Variants in AP3B1 observed in about 807,000 individuals in gnomAD.
The protein encoded by AP3B1 is adaptor related protein complex 3 subunit beta 1.
AP3B1 carries 61 observed loss-of-function variants against 132.5 expected under a neutral mutation model. The observed-to-expected ratio is 0.46, with a 90% CI of 0.37 to 0.57. The LOEUF (loss-of-function observed/expected upper bound fraction) is 0.57. Among genes scored for constraint, AP3B1 ranks in the 20% least tolerant of loss-of-function variants. The probability of loss-of-function intolerance (pLI) is 0.00; values close to 1 mark genes in which losing one functional copy is unlikely to be tolerated. For missense variants in AP3B1, 1,120 were observed against 1,289.4 expected (o/e 0.87, Z 2.01); for synonymous variants, 388 against 438.3 (o/e 0.89, Z 1.43).
intron 13 of AP3B1, among the ~76,000 whole-genome samples, chr5:78,161,370 G>A (rs1396752175): frequency 6.6e-6 from 1 of 151,912 alleles, no homozygotes; most frequent in Non-Finnish European, 1.5e-5. Context: ...GGTGCTTTCT[G>A]TATGTAACTA....
chr5:78,169,752 T>C (rs969182005), intron 11 of AP3B1, among the ~76,000 whole-genome samples: 5 of 151,596 alleles, frequency 3.3e-5, no homozygotes, highest in Non-Finnish European at 2.9e-5. Context: ...TTTATTTATT[T>C]ATTTATTTAT....
At chr5:78,212,970 T>C (rs368245965) in intron 7 of AP3B1, among the ~76,000 whole-genome samples, 2 of 152,076 alleles carry the variant, frequency 1.3e-5, no homozygotes, top group African/African-American at 2.4e-5. Flanking sequence ...CTCTGCCTCC[T>C]GGGTTCATGC....
chr5:78,243,908 A>G (rs1747256348), intron 2 of AP3B1, among the ~76,000 whole-genome samples: 1 of 152,232 alleles, frequency 6.6e-6, no homozygotes, highest in Non-Finnish European at 1.5e-5. Flanking sequence ...CAGAGGAAAG[A>G]CATCATTAAA....
rs1460618374 is a variant in AP3B1 at position 78,294,478 on chromosome 5, G to A, written c.102C>T (p.Phe34=). The A allele has an allele frequency of 1.9e-6, 3 of 1,614,222 alleles. No homozygotes were observed. Among genetic ancestry groups the A allele is most frequent in the South Asian group, 1.1e-5 (1 of 91,092 alleles). Reference sequence around the variant, plus strand: ...TCTTCAAATCGCTGCTAAAGAGGCCGAAGGCCCCCGAGGGGGAAATGGTTG... The same window carrying A: ...TCTTCAAATCGCTGCTAAAGAGGCCAAAGGCCCCCGAGGGGGAAATGGTTG... ...ATSTISPSGA[F]GLFSSDLKKN... Residue 34 remains phenylalanine (F), a synonymous_variant, in exon 1 of 27, where the codon TTC becomes TTT. Transcript: ENST00000255194.
chr5:78,214,976 G>T (rs1471535541), intron 7 of AP3B1, among the ~76,000 whole-genome samples: 1 of 151,992 alleles, frequency 6.6e-6, no homozygotes, highest in African/African-American at 2.4e-5. Context: ...GGATAAAGAA[G>T]TATTAAAATT....
intron 2 of AP3B1, among the ~76,000 whole-genome samples, chr5:78,256,051 T>C (rs1053330593): frequency 6.6e-6 from 1 of 151,878 alleles, no homozygotes; most frequent in Non-Finnish European, 1.5e-5. Flanking sequence ...TTCATAGCTA[T>C]AAGTGTCTAC....
rs6863229 is a variant in AP3B1 at position 78,215,952 on chromosome 5, T to C, written c.786+103A>G. ...GAGACAAATGAGTCTTCCTTAAATA[T>C]GCAGATTTCTCTAGTTTACTACTCC... On this transcript the variant is annotated intron_variant, in intron 7 of 26. Coordinates refer to ENST00000255194, the MANE Select transcript of AP3B1 (RefSeq NM_003664.5). 1.0e-3 allele frequency: 1,095 copies of C among 1,042,860 alleles called. 5 individuals carry two copies. The African/African-American group carries it at 0.015, about 15-fold the overall frequency. The allele number at this position is 1,042,860 out of a possible 1,614,324, so 64.6% of individuals were successfully genotyped here. A position where few individuals can be genotyped will look rare whatever the true frequency, so the allele number is the denominator to read the frequency against.
At chr5:78,220,615 C>T (rs1395456929) in intron 6 of AP3B1, among the ~76,000 whole-genome samples, 1 of 150,486 alleles carries the variant, frequency 6.6e-6, no homozygotes, top group Non-Finnish European at 1.5e-5. Context: ...ATCAGAGCAG[C>T]CTATAAGGGA....
chr5:78,110,271 C>A lies in AP3B1; in HGVS notation c.2333G>T (p.Ser778Ile), dbSNP rs1751516319. 3 of 1,609,312 alleles carry A rather than the reference C, an allele frequency of 1.9e-6. No individual in the cohort carries two copies. The highest frequency in any genetic ancestry group is 2.5e-6 in the Non-Finnish European group (3 of 1,177,018). The change falls in exon 20 of 27, where the codon AGT (serine) becomes ATT (isoleucine). Residue 778 changes from serine to isoleucine, a missense_variant. Ser to Ile is a moderately radical substitution (Grantham distance 142). Around this residue, in one of 3 missense-constraint regions of AP3B1, gnomAD observed 906 missense variants for 997.1 expected, o/e 0.91. Transcript: ENST00000255194. Reference protein sequence around the residue: ...SNDESSSIEDSSSDSESESEP... With the variant: ...SNDESSSIEDISSDSESESEP... ...TGACTCTGATTCAGAATCGGAAGAACTGTCTTCTATTGAACTAGATTCGTC... is the reference window on the plus strand; with the variant it reads ...TGACTCTGATTCAGAATCGGAAGAAATGTCTTCTATTGAACTAGATTCGTC...
At chr5:78,141,557 G>C (rs780724794) in intron 14 of AP3B1, among the ~76,000 whole-genome samples, 1 of 152,074 alleles carries the variant, frequency 6.6e-6, no homozygotes, top group Admixed American at 6.5e-5. Context: ...AGCAAAAACC[G>C]ATGGTCTAGA....
chr5:78,259,069 C>T (rs1282233090), intron 2 of AP3B1, among the ~76,000 whole-genome samples: 2 of 151,982 alleles, frequency 1.3e-5, no homozygotes. Flanking sequence ...AACCCCATCT[C>T]TATTAAAAAT....
At chr5:78,176,808 CT>C (rs1006026902) in intron 9 of AP3B1, among the ~76,000 whole-genome samples, 25 of 152,158 alleles carry the variant, frequency 1.6e-4, no homozygotes, top group Non-Finnish European at 3.4e-4. Flanking sequence ...AGTATGCAAT[CT>C]TTAAAATGAG....
intron 2 of AP3B1, among the ~76,000 whole-genome samples, chr5:78,244,754 T>A (rs544963266): frequency 1.2e-4 from 18 of 152,210 alleles, no homozygotes; most frequent in Non-Finnish European, 1.9e-4. Context: ...CCCAGCACTT[T>A]GGGAGGCCGA....
chr5:78,293,169 G>C (rs959679276), intron 1 of AP3B1, among the ~76,000 whole-genome samples: 19 of 152,210 alleles, frequency 1.2e-4, no homozygotes, highest in Admixed American at 2.6e-4. Context: ...GTGAGCCGCA[G>C]TGCCTGGCCC....
At chr5:78,209,711 A>C (rs2112466376) in intron 7 of AP3B1, among the ~76,000 whole-genome samples, 1 of 152,346 alleles carries the variant, frequency 6.6e-6, no homozygotes, top group East Asian at 1.9e-4. Flanking sequence ...GACCTGGCTC[A>C]GATACTTTTG....
intron 7 of AP3B1, among the ~76,000 whole-genome samples, chr5:78,185,827 GC>G (rs1744582449): frequency 6.6e-6 from 1 of 152,114 alleles, no homozygotes; most frequent in South Asian, 2.1e-4. Flanking sequence ...CTATGATCAA[GC>G]CACTGTGCTC....
At chr5:78,211,543 T>C (rs1387294148) in intron 7 of AP3B1, among the ~76,000 whole-genome samples, 1 of 152,228 alleles carries the variant, frequency 6.6e-6, no homozygotes, top group Non-Finnish European at 1.5e-5. Flanking sequence ...TCAAAAAGTG[T>C]ATCTACGAAT....
chr5:78,219,751 TTTTC>T (rs1328921770), intron 6 of AP3B1, among the ~76,000 whole-genome samples: 1 of 152,138 alleles, frequency 6.6e-6, no homozygotes, highest in Non-Finnish European at 1.5e-5. Context: ...ATGGAACTAA[TTTTC>T]TTTGAGATCT....
chr5:78,205,592 G>A (rs898462738), intron 7 of AP3B1, among the ~76,000 whole-genome samples: 1 of 152,074 alleles, frequency 6.6e-6, no homozygotes, highest in Non-Finnish European at 1.5e-5. Flanking sequence ...GGTTGAGGAA[G>A]GCAGTAGCTA....
Sources: allele counts gnomAD v4.1 joint callset (sites outside exome capture counted in the v4.1 genomes callset), GRCh38; gene constraint gnomAD v4.1.1; regional missense constraint gnomAD v4.1.1; transcripts MANE v1.5; gene names NCBI Gene and HGNC (gene_info 2026-07-23, HGNC 2026-07-21).